TCF7L1: variants seen among roughly 807,000 people sequenced by gnomAD.
The protein encoded by TCF7L1 is transcription factor 7-like 1.
A neutral mutation model predicts 63.7 loss-of-function variants in TCF7L1; 18 were observed. The observed-to-expected ratio is 0.28, with a 90% CI of 0.20 to 0.42. The LOEUF (loss-of-function observed/expected upper bound fraction) is 0.42, where lower values mean the gene tolerates loss of function less well. TCF7L1 is among the 10% of genes least tolerant of loss of function. The pLI, the probability that TCF7L1 is intolerant of heterozygous loss-of-function variation, is 1.00. For missense variants in TCF7L1, 654 were observed against 779.3 expected (o/e 0.84, Z 1.91); for synonymous variants, 355 against 340.9 (o/e 1.04, Z -0.46).
At chr2:85,265,259 A>C (rs554123149) in intron 3 of TCF7L1, among the ~76,000 whole-genome samples, 1 of 151,404 alleles carries the variant, frequency 6.6e-6, no homozygotes, top group Non-Finnish European at 1.5e-5. Context: ...TTTGGGGACC[A>C]CTCTGATCGC....
At chr2:85,160,304 T>C (rs959547432) in intron 3 of TCF7L1, among the ~76,000 whole-genome samples, 5 of 152,148 alleles carry the variant, frequency 3.3e-5, no homozygotes, top group African/African-American at 1.2e-4. Context: ...CCTTCTGATG[T>C]AGGATAAAGA....
intron 3 of TCF7L1, among the ~76,000 whole-genome samples, chr2:85,164,833 G>A (rs1558621207): frequency 6.6e-6 from 1 of 152,192 alleles, no homozygotes; most frequent in Non-Finnish European, 1.5e-5. Flanking sequence ...ATTTTTTACA[G>A]TGTGGTAGAG....
chr2:85,153,719 C>G (rs1017493706), intron 3 of TCF7L1, among the ~76,000 whole-genome samples: 2 of 152,140 alleles, frequency 1.3e-5, no homozygotes, highest in Non-Finnish European at 2.9e-5. Context: ...TGCTAGTTTT[C>G]TAGAATACAT....
chr2:85,305,247 A>C lies in TCF7L1; in HGVS notation c.846-13A>C. Reference sequence around the variant, plus strand: ...AACCCCTCTGTTGCCATTTGTTTCTATCCGGTGCACAGCCTGGTCTCCAGT... The same window carrying C: ...AACCCCTCTGTTGCCATTTGTTTCTCTCCGGTGCACAGCCTGGTCTCCAGT... On this transcript the variant is annotated splice_polypyrimidine_tract_variant and intron_variant, in intron 7 of 11. Coordinates refer to ENST00000282111, the MANE Select transcript of TCF7L1 (RefSeq NM_031283.3). 2 of 1,614,010 alleles carry C rather than the reference A, an allele frequency of 1.2e-6. No individual in the cohort carries two copies. The highest frequency in any genetic ancestry group is 1.1e-5 in the South Asian group (1 of 91,078).
At chr2:85,142,852 T>C (rs1677778957) in intron 3 of TCF7L1, among the ~76,000 whole-genome samples, 2 of 152,240 alleles carry the variant, frequency 1.3e-5, no homozygotes, top group Admixed American at 6.5e-5. Flanking sequence ...AGTTTCTTTC[T>C]GAGACTCACA....
chr2:85,294,901 G>C (rs1280107851), intron 4 of TCF7L1, among the ~76,000 whole-genome samples: 1 of 151,936 alleles, frequency 6.6e-6, no homozygotes, highest in Non-Finnish European at 1.5e-5. Flanking sequence ...GGGCATGGTG[G>C]CACATACCTG....
intron 3 of TCF7L1, among the ~76,000 whole-genome samples, chr2:85,244,471 G>A (rs1573007521): frequency 6.6e-6 from 1 of 152,182 alleles, no homozygotes; most frequent in Admixed American, 6.5e-5. Context: ...TTTGAAGGAG[G>A]AGTGACAGGA....
chr2:85,237,463 T>C (rs1449338798), intron 3 of TCF7L1, among the ~76,000 whole-genome samples: 1 of 152,116 alleles, frequency 6.6e-6, no homozygotes, highest in Non-Finnish European at 1.5e-5. Flanking sequence ...GCTCCTTTCC[T>C]GGGCTACAGG....
chr2:85,215,726 C>T (rs955638397), intron 3 of TCF7L1, among the ~76,000 whole-genome samples: 8 of 128,920 alleles, frequency 6.2e-5, no homozygotes, highest in Non-Finnish European at 4.6e-5. Context: ...AGCTCAATGG[C>T]TTACAATCCC....
intron 3 of TCF7L1, among the ~76,000 whole-genome samples, chr2:85,198,852 C>T (rs769767838): frequency 6.6e-6 from 1 of 152,054 alleles, no homozygotes; most frequent in Non-Finnish European, 1.5e-5. Flanking sequence ...CAGAATGAGA[C>T]CCTTTCTCCA....
In TCF7L1 at chr2:85,134,345, G is replaced by A. The variant is rs759377447; in HGVS notation, c.336G>A (p.Ala112=). The part of the protein sequence containing the change: ...FAEVRRPQDS[A]FFKGPPYPGY... ...CAGTGAGAAGGCCTCAGGACAGCGC[G>A]TTCTTTAAAGGACCCCCGTACCCTG... The change falls in exon 3 of 12, where the codon GCG becomes GCA. Residue 112 remains alanine, a synonymous_variant. Coordinates refer to ENST00000282111, the MANE Select transcript of TCF7L1 (RefSeq NM_031283.3). This position sits in a 1 kb window ranked among gnomAD's most constrained non-coding sequence, Gnocchi z 5.0. 1.3e-6 allele frequency: 2 copies of A among 1,584,882 alleles called. No homozygotes were observed. The highest frequency in any genetic ancestry group is 1.7e-6 in the Non-Finnish European group (2 of 1,164,822).
At chr2:85,285,414 A>C (rs1354483762) in intron 4 of TCF7L1, among the ~76,000 whole-genome samples, 1 of 152,178 alleles carries the variant, frequency 6.6e-6, no homozygotes, top group Non-Finnish European at 1.5e-5. Context: ...GTGGGATGCC[A>C]CATGCAGCTC....
chr2:85,142,012 C>T (rs938963139), intron 3 of TCF7L1, among the ~76,000 whole-genome samples: 6 of 152,176 alleles, frequency 3.9e-5, no homozygotes, highest in African/African-American at 1.4e-4. Flanking sequence ...AACCTTTTAG[C>T]TACATGTTAG....
rs1237569248 is a variant in TCF7L1 at position 85,253,209 on chromosome 2, A to G, written c.442-30286A>G. On this transcript the variant is annotated intron_variant, in intron 3 of 11. Transcript: ENST00000282111. ...AAACCACATAGGTTTGGGATTTTTC[A>G]TTGTGTAGCAGACATATGGCTTAGT... 7.9e-5 allele frequency among the ~76,000 whole-genome samples: 12 copies of G among 152,350 alleles called. No individual in the cohort carries two copies. In the East Asian group the frequency reaches 2.3e-3, roughly 29 times the overall value.
At chr2:85,271,383 T>C (rs1389180864) in intron 3 of TCF7L1, among the ~76,000 whole-genome samples, 2 of 152,220 alleles carry the variant, frequency 1.3e-5, no homozygotes, top group Admixed American at 6.5e-5. Flanking sequence ...AGTGCTGGGA[T>C]TACAGGCATA....
chr2:85,301,049 G>A (rs530480135), intron 4 of TCF7L1, among the ~76,000 whole-genome samples: 1 of 152,190 alleles, frequency 6.6e-6, no homozygotes, highest in African/African-American at 2.4e-5. Context: ...CAAAATGCTG[G>A]GATTACAGGC....
intron 3 of TCF7L1, among the ~76,000 whole-genome samples, chr2:85,143,981 A>G (rs1176356591): frequency 6.6e-6 from 1 of 152,194 alleles, no homozygotes; most frequent in South Asian, 2.1e-4. Flanking sequence ...ACCTGCTAAC[A>G]TTTGACCTGT....
chr2:85,213,800 C>T (rs1371830977), intron 3 of TCF7L1: 1 of 152,226 alleles, frequency 6.6e-6, no homozygotes, highest in Non-Finnish European at 1.5e-5. Context: ...TGTGTTTTCT[C>T]TTCTCAGAAT....
Position 85,309,333 on chromosome 2 carries a change from C to G in TCF7L1, c.1638C>G (p.Leu546=). Residue 546 remains leucine, a synonymous_variant, in exon 12 of 12, where the codon CTC becomes CTG. Transcript: ENST00000282111. ...AGCCTCCCCTCCTGTCCCGGCCCCT[C>G]CCCCTTGGGTCCATGCCCACAGCTC... ...GSQPPLLSRP[L]PLGSMPTALL... is the part of the protein sequence containing the mutation. The G allele has an allele frequency of 1.2e-6, 2 of 1,612,788 alleles. No homozygotes were observed. The highest frequency in any genetic ancestry group is 1.7e-6 in the Non-Finnish European group (2 of 1,179,742).
Sources: allele counts gnomAD v4.1 joint callset (sites outside exome capture counted in the v4.1 genomes callset), GRCh38; gene constraint gnomAD v4.1.1; non-coding constraint Gnocchi (gnomAD v3.1); transcripts MANE v1.5; gene names NCBI Gene and HGNC (gene_info 2026-07-23, HGNC 2026-07-21).